The following SLIT3 variants were observed in gnomAD, a reference collection of about 807,000 sequenced individuals.
The protein encoded by SLIT3 is slit homolog 3 protein.
SLIT3 carries 68 observed loss-of-function variants against 184.0 expected under a neutral mutation model. That is an observed-to-expected ratio of 0.37 (90% CI 0.30 to 0.45). The LOEUF (loss-of-function observed/expected upper bound fraction) is 0.45. Among genes scored for constraint, SLIT3 ranks in the 20% least tolerant of loss-of-function variants. The pLI is 1.00. For synonymous variants in SLIT3, 831 were observed against 828.6 expected, an observed-to-expected ratio of 1.00 and a Z score of -0.05; for missense variants, 1,707 against 2,026.0, an observed-to-expected ratio of 0.84 and a Z score of 3.02.
intron 4 of SLIT3, among the ~76,000 whole-genome samples, chr5:168,979,517 G>A (rs191010860): frequency 1.0e-3 from 152 of 152,216 alleles, no homozygotes; most frequent in Non-Finnish European, 1.9e-3. Context: ...CTATTTTCTC[G>A]TCTGTTTAGT....
intron 4 of SLIT3, among the ~76,000 whole-genome samples, chr5:169,040,010 A>G (rs1263390388): frequency 6.6e-6 from 1 of 152,246 alleles, no homozygotes; most frequent in African/African-American, 2.4e-5. Flanking sequence ...AGCAGCAACA[A>G]ATATTTTTGA....
At chr5:169,279,342 C>T (rs1049937097) in intron 1 of SLIT3, among the ~76,000 whole-genome samples, 7 of 152,170 alleles carry the variant, frequency 4.6e-5, no homozygotes, top group African/African-American at 7.2e-5. Context: ...GGGCTAGGTG[C>T]TTTCCCCACA....
chr5:169,269,157 T>C (rs1158479620), intron 1 of SLIT3, among the ~76,000 whole-genome samples: 1 of 152,182 alleles, frequency 6.6e-6, no homozygotes, highest in East Asian at 1.9e-4. Context: ...CTGTAAGCAA[T>C]AAGGGCAAGG....
chr5:168,895,200 A>G (rs1478591709), intron 4 of SLIT3, among the ~76,000 whole-genome samples: 2 of 152,124 alleles, frequency 1.3e-5, no homozygotes, highest in African/African-American at 4.8e-5. Flanking sequence ...TTCTTGGAAC[A>G]TTGCTCCGGA....
At chr5:168,993,549 C>G (rs954987619) in intron 4 of SLIT3, among the ~76,000 whole-genome samples, 1 of 152,250 alleles carries the variant, frequency 6.6e-6, no homozygotes. Context: ...CTCCCACAGC[C>G]TGCTCTGAAG....
At chr5:169,036,656 G>GT (rs938543628) in intron 4 of SLIT3, among the ~76,000 whole-genome samples, 52 of 146,016 alleles carry the variant, frequency 3.6e-4, no homozygotes, top group African/African-American at 1.3e-3. Flanking sequence ...CTTGTTAATA[G>GT]TAATTTTTTT....
chr5:168,785,844 G>T, intron 12 of SLIT3, 63 bp downstream of exon 12: 2 of 1,231,640 alleles, frequency 1.6e-6, no homozygotes, highest in Non-Finnish European at 2.4e-6. Context: ...ATGGCTCAAC[G>T]TTTTCAGGTG....
intron 11 of SLIT3, among the ~76,000 whole-genome samples, chr5:168,787,540 G>A (rs2113580837): frequency 6.6e-6 from 1 of 152,182 alleles, no homozygotes; most frequent in South Asian, 2.1e-4. Flanking sequence ...TAATATTTTA[G>A]TTAATGTTTT....
At chr5:168,996,784 T>A (rs960187950) in intron 4 of SLIT3, among the ~76,000 whole-genome samples, 1 of 152,102 alleles carries the variant, frequency 6.6e-6, no homozygotes, top group Non-Finnish European at 1.5e-5. Context: ...CTCCTGACGG[T>A]GAGGGGCCCC....
In SLIT3 at chr5:168,666,410, C is replaced by A. The variant is rs771498853; in HGVS notation, c.*44G>T. ...GGGTCCCACATGGCTGTCCCAACTC[C>A]ATCAAGCTGGAGTCCGAGAGGTGGC... On this transcript the variant is annotated 3_prime_UTR_variant, in exon 36 of 36. Coordinates refer to ENST00000519560, the MANE Select transcript of SLIT3 (RefSeq NM_003062.4). The A allele has an allele frequency of 1.4e-5, 21 of 1,503,530 alleles. No homozygotes were observed. In the African/African-American group the frequency reaches 2.8e-4, roughly 20 times the overall value. The allele number at this position is 1,503,530 out of a possible 1,614,324, so 93.1% of individuals were successfully genotyped here. A position where few individuals can be genotyped will look rare whatever the true frequency, so the allele number is the denominator to read the frequency against.
intron 5 of SLIT3, among the ~76,000 whole-genome samples, chr5:168,856,766 CGT>C (rs372608852): frequency 0.052 from 6,943 of 132,792 alleles, 173 homozygotes; most frequent in Non-Finnish European, 0.06. Context: ...CTGAGTTCCT[CGT>C]GTGTGTGTGT....
chr5:168,770,667 TA>T (rs1202577157), intron 14 of SLIT3, among the ~76,000 whole-genome samples: 30 of 142,286 alleles, frequency 2.1e-4, no homozygotes, highest in Middle Eastern at 7.0e-3. Context: ...TTTTTTTTTT[TA>T]AAAAAGGTAT....
At chr5:169,252,987 A>G (rs576197797) in intron 1 of SLIT3, among the ~76,000 whole-genome samples, 2 of 152,308 alleles carry the variant, frequency 1.3e-5, no homozygotes, top group East Asian at 3.9e-4. Flanking sequence ...GAGTTTTCCA[A>G]TACCTAAAAC....
At chr5:169,084,436 A>T (rs543229665) in intron 4 of SLIT3, among the ~76,000 whole-genome samples, 8 of 147,446 alleles carry the variant, frequency 5.4e-5, no homozygotes, top group African/African-American at 2.0e-4. Flanking sequence ...GATTACAGGC[A>T]TGCGCCACCA....
intron 4 of SLIT3, among the ~76,000 whole-genome samples, chr5:168,953,102 G>T (rs182311838): frequency 3.3e-4 from 51 of 152,300 alleles, no homozygotes; most frequent in Admixed American, 3.2e-3. Context: ...GGCTTAGTAG[G>T]ATTCTTGCAA....
intron 4 of SLIT3, among the ~76,000 whole-genome samples, chr5:169,071,825 G>C (rs76991733): frequency 8.6e-4 from 131 of 152,220 alleles, no homozygotes; most frequent in Non-Finnish European, 1.5e-3. Flanking sequence ...TTCCTTGTGC[G>C]AGTGGTTAGG....
intron 11 of SLIT3, among the ~76,000 whole-genome samples, chr5:168,788,692 G>A (rs1756249176): frequency 6.8e-6 from 1 of 146,084 alleles, no homozygotes; most frequent in South Asian, 2.2e-4. Flanking sequence ...TCTCGGTGGA[G>A]CTTAGATTGT....
intron 4 of SLIT3, among the ~76,000 whole-genome samples, chr5:168,894,236 A>G (rs1338882740): frequency 6.6e-6 from 1 of 152,230 alleles, no homozygotes; most frequent in African/African-American, 2.4e-5. Flanking sequence ...TTGCTTCACC[A>G]TGCCGACTAT....
intron 3 of SLIT3, among the ~76,000 whole-genome samples, chr5:169,216,406 C>T (rs1317395835): frequency 6.6e-6 from 1 of 152,192 alleles, no homozygotes; most frequent in Admixed American, 6.5e-5. Flanking sequence ...AGTTCTAATA[C>T]CCACCTGACA....
Sources: gnomAD v4.1 joint callset for allele counts (sites outside exome capture counted in the v4.1 genomes callset) on GRCh38, gnomAD v4.1.1 for gene constraint, MANE v1.5 for transcripts, NCBI Gene and HGNC (gene_info 2026-07-23, HGNC 2026-07-21) for gene names.